TMEM132D: variants seen among roughly 807,000 people sequenced by gnomAD.
TMEM132D encodes the protein transmembrane protein 132D, also known as mature OL transmembrane protein.
TMEM132D carries 21 observed loss-of-function variants against 62.3 expected under a neutral mutation model. The observed-to-expected ratio is 0.34, with a 90% CI of 0.24 to 0.49. The LOEUF (loss-of-function observed/expected upper bound fraction) is 0.49. Among genes scored for constraint, TMEM132D ranks in the 20% least tolerant of loss-of-function variants. The pLI, the probability that TMEM132D is intolerant of heterozygous loss-of-function variation, is 0.99. For missense variants in TMEM132D, 1,346 were observed against 1,402.8 expected (o/e 0.96, Z 0.65); for synonymous variants, 621 against 575.6 (o/e 1.08, Z -1.13).
chr12:129,648,605 C>T (rs1879847044), intron 2 of TMEM132D, among the ~76,000 whole-genome samples: 1 of 152,128 alleles, frequency 6.6e-6, no homozygotes, highest in African/African-American at 2.4e-5. Flanking sequence ...TTGCACATAG[C>T]CCGTGCATTA....
chr12:129,132,239 T>A (rs972752199), intron 5 of TMEM132D, among the ~76,000 whole-genome samples: 3 of 152,220 alleles, frequency 2.0e-5, no homozygotes, highest in African/African-American at 7.2e-5. Context: ...CCAACCTACC[T>A]ATCTATCTGT....
chr12:129,141,400 C>T (rs1876737348), intron 5 of TMEM132D, among the ~76,000 whole-genome samples: 1 of 152,058 alleles, frequency 6.6e-6, no homozygotes, highest in Admixed American at 6.6e-5. Context: ...AAAGGTGAAA[C>T]AGCAGATACA....
At chr12:129,457,273 A>G (rs1873502760) in intron 3 of TMEM132D, among the ~76,000 whole-genome samples, 1 of 151,968 alleles carries the variant, frequency 6.6e-6, no homozygotes, top group African/African-American at 2.4e-5. Context: ...AAAAATGATG[A>G]GTTTATGTCC....
At chr12:129,594,243 A>T (rs150541230) in intron 2 of TMEM132D, among the ~76,000 whole-genome samples, 108 of 152,346 alleles carry the variant, frequency 7.1e-4, no homozygotes, top group African/African-American at 2.5e-3. Flanking sequence ...CCCATAAGCC[A>T]TATGGCCTCC....
chr12:129,582,275 T>C (rs2137127508), intron 2 of TMEM132D, among the ~76,000 whole-genome samples: 1 of 152,348 alleles, frequency 6.6e-6, no homozygotes, highest in Middle Eastern at 3.4e-3. Flanking sequence ...CTCTCAACGT[T>C]GTTGGGTATT....
chr12:129,725,351 T>TA (rs1868992909), intron 1 of TMEM132D, among the ~76,000 whole-genome samples: 2 of 152,272 alleles, frequency 1.3e-5, no homozygotes, highest in South Asian at 4.1e-4. Flanking sequence ...AAACAAAAAA[T>TA]AAAAAATAAA....
In TMEM132D at chr12:129,084,064, T is replaced by G. The variant is rs564888486; in HGVS notation, c.1649+433A>C. On this transcript the variant is annotated intron_variant, in intron 6 of 8. Coordinates refer to ENST00000422113, the MANE Select transcript of TMEM132D (RefSeq NM_133448.3). ...ATCTGCTGCCTCCTCCTTTCCAGCATCAATTTTCCCTTCTCCTAGAATTTG... is the reference window on the plus strand; with the variant it reads ...ATCTGCTGCCTCCTCCTTTCCAGCAGCAATTTTCCCTTCTCCTAGAATTTG... Among the ~76,000 whole-genome samples, 16 of 152,252 alleles carry G rather than the reference T, an allele frequency of 1.1e-4. No individual in the cohort carries two copies. The East Asian group carries it at 2.5e-3, about 24-fold the overall frequency.
At chr12:129,841,084 G>A (rs944163103) in intron 1 of TMEM132D, among the ~76,000 whole-genome samples, 8 of 152,052 alleles carry the variant, frequency 5.3e-5, no homozygotes, top group African/African-American at 1.2e-4. Context: ...TTGGCACTGC[G>A]GATGCATAAA....
At chr12:129,578,332 G>A (rs1313403695) in intron 2 of TMEM132D, among the ~76,000 whole-genome samples, 3 of 151,188 alleles carry the variant, frequency 2.0e-5, no homozygotes, top group African/African-American at 4.9e-5. Context: ...AGACAATTTC[G>A]TAATAAATTA....
chr12:129,517,605 G>A (rs146916623), intron 3 of TMEM132D, among the ~76,000 whole-genome samples: 78 of 152,066 alleles, frequency 5.1e-4, no homozygotes, highest in Non-Finnish European at 3.5e-4. Flanking sequence ...ATTTAAGGGC[G>A]TCAAGCTGCA....
At chr12:129,664,618 G>A (rs1168208123) in intron 2 of TMEM132D, among the ~76,000 whole-genome samples, 1 of 151,732 alleles carries the variant, frequency 6.6e-6, no homozygotes, top group African/African-American at 2.4e-5. Context: ...GTAGAGACGG[G>A]GTTTCACCGT....
intron 5 of TMEM132D, among the ~76,000 whole-genome samples, chr12:129,093,278 G>C (rs1381471957): frequency 6.6e-6 from 1 of 152,106 alleles, no homozygotes; most frequent in Non-Finnish European, 1.5e-5. Context: ...TGTATATCTA[G>C]AAAACCCCAT....
intron 4 of TMEM132D, among the ~76,000 whole-genome samples, chr12:129,227,321 A>ATATATG (rs1281672993): frequency 7.0e-6 from 1 of 142,520 alleles, no homozygotes. Context: ...ATATATATAT[A>ATATATG]TATATGGCGC....
chr12:129,101,830 G>A (rs936912557), intron 5 of TMEM132D, among the ~76,000 whole-genome samples: 2 of 152,158 alleles, frequency 1.3e-5, no homozygotes, highest in East Asian at 1.9e-4. Flanking sequence ...GACAGCAACC[G>A]AGGTCCTTTG....
intron 2 of TMEM132D, among the ~76,000 whole-genome samples, chr12:129,532,900 C>G (rs932193569): frequency 6.6e-6 from 1 of 152,258 alleles, no homozygotes; most frequent in Non-Finnish European, 1.5e-5. Flanking sequence ...TTCCTGGGAG[C>G]GTGAGCCTGG....
intron 4 of TMEM132D, among the ~76,000 whole-genome samples, chr12:129,254,397 G>C (rs2135592126): frequency 6.6e-6 from 1 of 152,274 alleles, no homozygotes; most frequent in East Asian, 1.9e-4. Context: ...GTGCTTCTTA[G>C]CGTCCTTGAG....
chr12:129,198,332 G>A (rs1402788422), intron 5 of TMEM132D, among the ~76,000 whole-genome samples: 2 of 152,110 alleles, frequency 1.3e-5, no homozygotes, highest in African/African-American at 4.8e-5. Flanking sequence ...CCAAAGATCT[G>A]AAATTAATAT....
rs1880839811 is a variant in TMEM132D, at chr12:129,683,679, C to T, written c.968+16131G>A. On this transcript the variant is annotated intron_variant, in intron 2 of 8. Transcript: ENST00000422113. ...CCCACCCCACTTCCTCCTTGCCATG[C>T]CACTATATAGTCTTCCACCACTCCC... is the stretch of plus-strand genomic sequence containing the variant. 3.9e-5 allele frequency among the ~76,000 whole-genome samples: 6 copies of T among 152,114 alleles called. No homozygotes were observed. In the South Asian group the frequency reaches 1.2e-3, roughly 32 times the overall value.
intron 4 of TMEM132D, among the ~76,000 whole-genome samples, chr12:129,275,852 A>G (rs1275062858): frequency 1.3e-5 from 2 of 152,140 alleles, no homozygotes. Flanking sequence ...GGGTCTTGAC[A>G]TTTTCAGACA....
Sources: gnomAD v4.1 joint callset for allele counts (sites outside exome capture counted in the v4.1 genomes callset) on GRCh38, gnomAD v4.1.1 for gene constraint, MANE v1.5 for transcripts, NCBI Gene and HGNC (gene_info 2026-07-23, HGNC 2026-07-21) for gene names.